STIL: variants seen among roughly 807,000 people sequenced by gnomAD.
STIL encodes STIL centriolar assembly protein.
STIL carries 55 observed loss-of-function variants against 110.1 expected under a neutral mutation model. That is an observed-to-expected ratio of 0.50 (90% CI 0.40 to 0.63). The LOEUF is 0.63. Ranked by LOEUF, STIL falls within the 20% of genes least tolerant of loss-of-function variation. STIL has a pLI of 0.00. For missense variants in STIL, 1,358 were observed against 1,530.0 expected (o/e 0.89, Z 1.87); for synonymous variants, 481 against 530.0 (o/e 0.91, Z 1.27).
chr1:47,280,733 A>G lies in STIL; in HGVS notation c.1725T>C (p.Val575=). 6.2e-7 allele frequency: 1 copy of G among 1,613,992 alleles called. No homozygotes were observed. The highest frequency in any genetic ancestry group is 8.5e-7 in the Non-Finnish European group (1 of 1,179,920). The stretch of plus-strand genomic sequence containing the variant: ...GTCTTCCTGAATTATGGGGTGAAAA[A>G]ACAAAATCGTGTGGTTGGGACTGCG... ...LAPQSQPHDF[V]FSPHNSGRPM... The change falls in exon 12 of 17, where the codon GTT becomes GTC. Residue 575 remains valine (V), a synonymous_variant. Coordinates refer to ENST00000371877, the MANE Select transcript of STIL (RefSeq NM_001048166.1).
chr1:47,302,634 A>G (rs1645838940), intron 3 of STIL, among the ~76,000 whole-genome samples: 1 of 152,148 alleles, frequency 6.6e-6, no homozygotes, highest in Non-Finnish European at 1.5e-5. Context: ...TGAAACAGTC[A>G]CATCTGTTTC....
chr1:47,300,976 G>A (rs1645787517), intron 5 of STIL, among the ~76,000 whole-genome samples: 1 of 152,016 alleles, frequency 6.6e-6, no homozygotes, highest in African/African-American at 2.4e-5. Context: ...CTCTAACTTC[G>A]GTCAGCCTAC....
At position 47,251,040 on chromosome 1, in the gene STIL, C is replaced by G; in HGVS notation, c.*96G>C. On this transcript the variant is annotated 3_prime_UTR_variant, in exon 17 of 17. Coordinates refer to ENST00000371877, the MANE Select transcript of STIL (RefSeq NM_001048166.1). Reference sequence around the variant, plus strand: ...GGCTGCTACCAAGAAACAGTGACTCCAGAATGATCAGGAGCCTTGTGGTAG... The same window carrying G: ...GGCTGCTACCAAGAAACAGTGACTCGAGAATGATCAGGAGCCTTGTGGTAG... 1 of 1,252,936 alleles carries G rather than the reference C, an allele frequency of 8.0e-7. No homozygotes were observed. Among genetic ancestry groups the G allele is most frequent in the South Asian group, 1.4e-5 (1 of 70,718 alleles). 77.6% of individuals were successfully genotyped at this position (1,252,936 alleles called of 1,614,324 possible).
intron 2 of STIL, among the ~76,000 whole-genome samples, chr1:47,306,035 A>G (rs1338059561): frequency 6.6e-6 from 1 of 151,962 alleles, no homozygotes; most frequent in African/African-American, 2.4e-5. Flanking sequence ...CCGGCCCAAA[A>G]AATATTTTTT....
chr1:47,296,819 CAGAAAACA>C (rs1157056524), intron 6 of STIL, among the ~76,000 whole-genome samples: 1 of 151,996 alleles, frequency 6.6e-6, no homozygotes, highest in East Asian at 1.9e-4. Context: ...GTCTCAAAAA[CAGAAAACA>C]AAAACAATGC....
chr1:47,281,274 C>A, intron 11 of STIL, 65 bp from the exon 12 acceptor site: 1 of 1,476,300 alleles, frequency 6.8e-7, no homozygotes, highest in East Asian at 2.4e-5. Flanking sequence ...CTTTACTTTC[C>A]TCAGACCAGT....
intron 1 of STIL, among the ~76,000 whole-genome samples, chr1:47,312,276 G>A (rs1646148645): frequency 6.6e-6 from 1 of 151,966 alleles, no homozygotes; most frequent in Non-Finnish European, 1.5e-5. Flanking sequence ...GGATCACGAG[G>A]TCAGGAGATC....
intron 14 of STIL, among the ~76,000 whole-genome samples, chr1:47,268,798 A>T (rs1299620474): frequency 3.3e-5 from 5 of 150,682 alleles, no homozygotes; most frequent in South Asian, 2.1e-4. Context: ...TAAATTAAAT[A>T]AAAGAAATTT....
chr1:47,274,938 G>C (rs1253748337), intron 12 of STIL, among the ~76,000 whole-genome samples: 1 of 151,670 alleles, frequency 6.6e-6, no homozygotes, highest in Non-Finnish European at 1.5e-5. Context: ...GATCACCTGA[G>C]GTCAGGAGTT....
Position 47,296,922 on chromosome 1 carries a change from G to T in STIL, c.702-1074C>A, listed in dbSNP as rs186524187. Among the ~76,000 whole-genome samples, 47 of 152,318 alleles carry T rather than the reference G, an allele frequency of 3.1e-4. No individual in the cohort carries two copies. In the East Asian group the frequency reaches 6.9e-3, roughly 22 times the overall value. ...ACTAAAACACAAAGACAATACATTT[G>T]TCAGGTCTTGTGACAAGAATATTAA... On this transcript the variant is annotated intron_variant, in intron 6 of 16. Transcript: ENST00000371877.
chr1:47,289,938 CAAAA>C (rs59432279), intron 8 of STIL, among the ~76,000 whole-genome samples: 7 of 104,032 alleles, frequency 6.7e-5, no homozygotes, highest in Middle Eastern at 4.9e-3. Context: ...ACTCCGTCTC[CAAAA>C]AAAAAAAAAA....
intron 10 of STIL, among the ~76,000 whole-genome samples, chr1:47,286,759 A>G (rs979821693): frequency 2.0e-5 from 3 of 152,150 alleles, no homozygotes; most frequent in Non-Finnish European, 4.4e-5. Context: ...AAAATGCACT[A>G]TAGAATTCTA....
intron 2 of STIL, among the ~76,000 whole-genome samples, chr1:47,308,781 C>T (rs1646040155): frequency 1.3e-5 from 2 of 152,034 alleles, no homozygotes; most frequent in Admixed American, 1.3e-4. Flanking sequence ...AGGCTGGGCA[C>T]AGTGGCTCAC....
intron 1 of STIL, among the ~76,000 whole-genome samples, chr1:47,313,689 C>T (rs1317689671): frequency 6.6e-6 from 1 of 152,210 alleles, no homozygotes; most frequent in African/African-American, 2.4e-5. Context: ...AGTCCATGAA[C>T]TTCAAACATT....
At chr1:47,271,153 T>A (rs1000042563) in intron 13 of STIL, among the ~76,000 whole-genome samples, 56 of 152,218 alleles carry the variant, frequency 3.7e-4, no homozygotes, top group Non-Finnish European at 7.2e-4. Flanking sequence ...GGAAAAGATA[T>A]ATTTACAAAA....
chr1:47,285,021 T>A (rs1645255442), intron 10 of STIL, among the ~76,000 whole-genome samples: 1 of 30,166 alleles, frequency 3.3e-5, no homozygotes, highest in Non-Finnish European at 5.7e-5. Flanking sequence ...ATTTTTTGTC[T>A]TTTTTTTTTT....
chr1:47,265,197 C>G (rs1197989468), intron 14 of STIL, among the ~76,000 whole-genome samples: 2 of 134,674 alleles, frequency 1.5e-5, no homozygotes, highest in African/African-American at 2.8e-5. Flanking sequence ...GATCACACCA[C>G]TGCACTCCAG....
intron 12 of STIL, 83 bp from the exon 13 acceptor site, chr1:47,272,324 G>A (rs1033020911): frequency 1.0e-5 from 15 of 1,439,208 alleles, no homozygotes; most frequent in Middle Eastern, 1.9e-4. Flanking sequence ...ATTACAAAGC[G>A]CCCTAATTAT....
intron 13 of STIL, among the ~76,000 whole-genome samples, chr1:47,271,207 C>T (rs1644825916): frequency 6.6e-6 from 1 of 151,872 alleles, no homozygotes; most frequent in African/African-American, 2.4e-5. Flanking sequence ...TCTTTTGTAC[C>T]ACGAGCCATA....
Sources: gnomAD v4.1 joint callset for allele counts (sites outside exome capture counted in the v4.1 genomes callset) on GRCh38, gnomAD v4.1.1 for gene constraint, MANE v1.5 for transcripts, NCBI Gene and HGNC (gene_info 2026-07-23, HGNC 2026-07-21) for gene names.